WWOX: variants seen among roughly 807,000 people sequenced by gnomAD.
WWOX encodes WW domain-containing oxidoreductase.
WWOX carries 69 observed loss-of-function variants against 46.2 expected under a neutral mutation model. The ratio of observed to expected loss-of-function variants is 1.49; its 90% confidence interval spans 1.23 to 1.82. WWOX has a LOEUF of 1.82. Ranked by LOEUF, WWOX falls within the 40% of genes most tolerant of loss-of-function variation. WWOX has a pLI of 0.00. For synonymous variants in WWOX, 359 were observed against 202.6 expected (o/e 1.77, Z -6.56); for missense variants, 919 against 542.6 (o/e 1.69, Z -6.89).
At chr16:78,923,876 T>G (rs976798069) in intron 8 of WWOX, among the ~76,000 whole-genome samples, 18 of 142,702 alleles carry the variant, frequency 1.3e-4, no homozygotes, top group Non-Finnish European at 4.5e-5. Context: ...CTCGGTTCAC[T>G]GCAACCTCCG....
At chr16:78,791,890 C>G (rs142349453) in intron 8 of WWOX, among the ~76,000 whole-genome samples, 1 of 152,092 alleles carries the variant, frequency 6.6e-6, no homozygotes, top group South Asian at 2.1e-4. Context: ...AAAACAACAA[C>G]AACAACAACA....
At chr16:78,937,601 C>CTTTATTTA (rs10691593) in intron 8 of WWOX, among the ~76,000 whole-genome samples, 65 of 142,616 alleles carry the variant, frequency 4.6e-4, no homozygotes, top group Non-Finnish European at 6.1e-4. Context: ...AGCTATAGAG[C>CTTTATTTA]TTTATTTATT....
intron 8 of WWOX, among the ~76,000 whole-genome samples, chr16:78,937,649 A>G (rs2045768834): frequency 6.7e-6 from 1 of 149,570 alleles, no homozygotes; most frequent in African/African-American, 2.5e-5. Context: ...TTATGAGACA[A>G]GGTCTCACTC....
intron 8 of WWOX, among the ~76,000 whole-genome samples, chr16:79,159,638 G>A (rs2050446663): frequency 6.6e-6 from 1 of 152,286 alleles, no homozygotes; most frequent in Middle Eastern, 3.4e-3. Flanking sequence ...CTCTCCCCGT[G>A]TCCCCTTGCA....
chr16:79,074,163 C>T lies in WWOX; in HGVS notation c.1057-137445C>T, dbSNP rs149999374. On this transcript the variant is annotated intron_variant, in intron 8 of 8. Coordinates refer to ENST00000566780, the MANE Select transcript of WWOX (RefSeq NM_016373.4). ...CAGTTAGAGTTCGAGCAGGCAACTC[C>T]GACCCCAAGTTGGAGCTGTGTGTTG... is the stretch of plus-strand genomic sequence containing the variant. 3.0e-3 allele frequency among the ~76,000 whole-genome samples: 454 copies of T among 152,108 alleles called. 1 individual carries two copies. Among genetic ancestry groups the T allele is most frequent in the Non-Finnish European group, 4.4e-3 (298 of 68,008 alleles).
At chr16:78,631,540 C>A (rs369784553) in intron 8 of WWOX, among the ~76,000 whole-genome samples, 135 of 138,952 alleles carry the variant, frequency 9.7e-4, no homozygotes, top group Non-Finnish European at 1.7e-3. Flanking sequence ...TTAAAATATT[C>A]TTTTTTTTTT....
intron 8 of WWOX, among the ~76,000 whole-genome samples, chr16:78,634,111 ACT>A (rs1185901445): frequency 1.3e-5 from 2 of 151,876 alleles, no homozygotes; most frequent in Admixed American, 6.6e-5. Flanking sequence ...CAGCTATATG[ACT>A]CTGTACCAGA....
chr16:79,110,175 C>T (rs1054690888), intron 8 of WWOX, among the ~76,000 whole-genome samples: 4 of 152,186 alleles, frequency 2.6e-5, no homozygotes, highest in Non-Finnish European at 5.9e-5. Context: ...ATTCTTCTCA[C>T]CCATGAACAT....
At chr16:78,595,159 G>C (rs1357959520) in intron 8 of WWOX, among the ~76,000 whole-genome samples, 1 of 152,232 alleles carries the variant, frequency 6.6e-6, no homozygotes, top group Non-Finnish European at 1.5e-5. Context: ...CTGAGGATGG[G>C]TAGACATATA....
At chr16:78,907,408 G>T (rs78589806) in intron 8 of WWOX, among the ~76,000 whole-genome samples, 2 of 152,166 alleles carry the variant, frequency 1.3e-5, no homozygotes, top group Non-Finnish European at 2.9e-5. Context: ...GCTGCTAATC[G>T]TTTATGTCCA....
chr16:78,846,663 C>CT (rs374880561), intron 8 of WWOX, among the ~76,000 whole-genome samples: 1 of 152,272 alleles, frequency 6.6e-6, no homozygotes, highest in East Asian at 1.9e-4. Context: ...AACGTGGTAT[C>CT]TGCCAGATTT....
chr16:78,137,912 T>G (rs900261570), intron 4 of WWOX, among the ~76,000 whole-genome samples: 2 of 150,950 alleles, frequency 1.3e-5, no homozygotes, highest in South Asian at 4.2e-4. Flanking sequence ...GACCTAAATC[T>G]TATCCATAGT....
At chr16:78,762,284 C>G (rs1373373225) in intron 8 of WWOX, among the ~76,000 whole-genome samples, 1 of 152,158 alleles carries the variant, frequency 6.6e-6, no homozygotes, top group Non-Finnish European at 1.5e-5. Context: ...AAGCTTGGTC[C>G]ATGAACCAGC....
chr16:78,875,488 T>G (rs1463379590), intron 8 of WWOX, among the ~76,000 whole-genome samples: 1 of 152,208 alleles, frequency 6.6e-6, no homozygotes, highest in Non-Finnish European at 1.5e-5. Flanking sequence ...TCCACTTCAT[T>G]AAGTGGAGGA....
rs71272440 is a variant in WWOX at position 78,567,552 on chromosome 16, CAAAAAAAAAAA to C, written c.1056+134813_1056+134823del. ...TGGGCGACAGAAGGAGACTCCGTCT[CAAAAAAAAAAA>C]AAAAAAAAAAAAGAAGTGAGTTTTT... On this transcript the variant is annotated intron_variant, in intron 8 of 8. Coordinates refer to ENST00000566780, the MANE Select transcript of WWOX (RefSeq NM_016373.4). Among the ~76,000 whole-genome samples, 177 of 52,136 alleles carry C rather than the reference CAAAAAAAAAAA, an allele frequency of 3.4e-3. 3 individuals carry two copies. Among genetic ancestry groups the C allele is most frequent in the African/African-American group, 0.013 (167 of 13,204 alleles). 34.2% of individuals were successfully genotyped at this position (52,136 alleles called of 152,430 possible).
intron 8 of WWOX, among the ~76,000 whole-genome samples, chr16:78,527,809 G>A (rs902083384): frequency 6.6e-6 from 1 of 151,596 alleles, no homozygotes; most frequent in African/African-American, 2.4e-5. Flanking sequence ...GTTCAGGAGG[G>A]TAGAGGATAG....
intron 7 of WWOX, among the ~76,000 whole-genome samples, chr16:78,428,709 T>C (rs980676502): frequency 3.3e-5 from 5 of 152,294 alleles, no homozygotes; most frequent in East Asian, 3.9e-4. Context: ...ACCTTATTCT[T>C]AACAGTAGAA....
intron 8 of WWOX, among the ~76,000 whole-genome samples, chr16:78,980,328 T>A (rs2046656488): frequency 6.6e-6 from 1 of 152,236 alleles, no homozygotes; most frequent in Non-Finnish European, 1.5e-5. Flanking sequence ...AGGATTTCCA[T>A]GTCTTTATTT....
rs147403348 is a variant in WWOX, at chr16:78,788,280, C to G, written c.1056+355528C>G. On this transcript the variant is annotated intron_variant, in intron 8 of 8. Transcript: ENST00000566780. ...TATGATATATATAGGGTTCCTGGCT[C>G]ATAACTCTCATAGCCCTTGTTGCAG... Among the ~76,000 whole-genome samples, 509 of 152,246 alleles carry G rather than the reference C, an allele frequency of 3.3e-3. 3 individuals carry two copies. Among genetic ancestry groups the G allele is most frequent in the African/African-American group, 0.011 (470 of 41,524 alleles).
Sources: allele counts gnomAD v4.1 joint callset (sites outside exome capture counted in the v4.1 genomes callset), GRCh38; gene constraint gnomAD v4.1.1; transcripts MANE v1.5; gene names NCBI Gene and HGNC (gene_info 2026-07-23, HGNC 2026-07-21).